The following CDC42BPA variants were observed in gnomAD, a reference collection of about 807,000 sequenced individuals.
CDC42BPA encodes serine/threonine-protein kinase MRCK alpha.
In CDC42BPA, 80 loss-of-function variants were observed where a neutral mutation model predicts 223.5. That is an observed-to-expected ratio of 0.36 (90% CI 0.30 to 0.43). CDC42BPA has a LOEUF of 0.43. Among genes scored for constraint, CDC42BPA ranks in the 20% least tolerant of loss-of-function variants. The pLI, the probability that CDC42BPA is intolerant of heterozygous loss-of-function variation, is 1.00. For missense variants in CDC42BPA, 1,743 were observed against 2,099.9 expected (o/e 0.83, Z 3.32); for synonymous variants, 694 against 718.6 (o/e 0.97, Z 0.55).
intron 16 of CDC42BPA, among the ~76,000 whole-genome samples, chr1:227,085,880 T>C (rs769477955): frequency 6.6e-6 from 1 of 152,234 alleles, no homozygotes; most frequent in Non-Finnish European, 1.5e-5. Context: ...TATAAGTGTA[T>C]ACTTGAATGA....
At chr1:227,017,312 G>T (rs1666476686) in intron 32 of CDC42BPA, among the ~76,000 whole-genome samples, 2 of 152,080 alleles carry the variant, frequency 1.3e-5, no homozygotes, top group African/African-American at 4.8e-5. Flanking sequence ...TTTACTAGAA[G>T]AAAACTGCAG....
intron 2 of CDC42BPA, among the ~76,000 whole-genome samples, chr1:227,235,909 C>A (rs2148042967): frequency 6.6e-6 from 1 of 152,248 alleles, no homozygotes; most frequent in African/African-American, 2.4e-5. Context: ...TATCTCTTGG[C>A]AAGTACTTTC....
intron 26 of CDC42BPA, 59 bp from the exon 27 acceptor site, chr1:227,033,474 G>C: frequency 5.3e-6 from 6 of 1,140,292 alleles, no homozygotes; most frequent in Non-Finnish European, 6.7e-6. Context: ...TGTGGTTTGG[G>C]GTGTGTATCC....
chr1:226,995,213 C>T (rs1661378433), intron 35 of CDC42BPA, among the ~76,000 whole-genome samples: 1 of 152,202 alleles, frequency 6.6e-6, no homozygotes, highest in African/African-American at 2.4e-5. Flanking sequence ...AGCGAGCACT[C>T]TCTAGGCTGT....
At chr1:227,100,407 T>C (rs1684802590) in intron 15 of CDC42BPA, among the ~76,000 whole-genome samples, 1 of 152,146 alleles carries the variant, frequency 6.6e-6, no homozygotes. Context: ...TGACTTTGCC[T>C]CTATTTTACT....
chr1:227,048,895 G>A (rs1483220993), intron 22 of CDC42BPA, among the ~76,000 whole-genome samples: 1 of 151,634 alleles, frequency 6.6e-6, no homozygotes, highest in Non-Finnish European at 1.5e-5. Flanking sequence ...TTTCTTTGCT[G>A]TTATTATACA....
In CDC42BPA at chr1:227,030,439, T is replaced by C; in HGVS notation, c.3807A>G (p.Glu1269=). Residue 1269 remains glutamate (E), a synonymous_variant, in exon 29 of 37, where the codon GAA becomes GAG. Transcript: ENST00000366766. ...DHERIALGNE[E]GLFVVHVTKD... ...TGGTGACATGTACAACAAATAACCC[T>C]TCTTCGTTTCCCAAAGCAATTCTTT... 6.2e-7 allele frequency: 1 copy of C among 1,602,554 alleles called. No individual in the cohort carries two copies. The highest frequency in any genetic ancestry group is 8.5e-7 in the Non-Finnish European group (1 of 1,174,952).
At chr1:227,117,681 C>T (rs1010731522) in intron 12 of CDC42BPA, among the ~76,000 whole-genome samples, 3 of 151,862 alleles carry the variant, frequency 2.0e-5, no homozygotes, top group African/African-American at 4.8e-5. Context: ...AGATACAGAC[C>T]TAAAAATTTA....
chr1:227,097,766 C>T (rs763930033), intron 15 of CDC42BPA, among the ~76,000 whole-genome samples: 62 of 152,292 alleles, frequency 4.1e-4, no homozygotes, highest in African/African-American at 1.4e-3. Flanking sequence ...CAAATGAGCA[C>T]GTGTACAACT....
At chr1:227,018,533 C>A (rs1406680983) in intron 32 of CDC42BPA, among the ~76,000 whole-genome samples, 3 of 152,124 alleles carry the variant, frequency 2.0e-5, no homozygotes, top group Admixed American at 1.3e-4. Flanking sequence ...TGGGAAAAGA[C>A]AAGTCAGAAT....
At chr1:227,277,959 C>G (rs112197495) in intron 1 of CDC42BPA, among the ~76,000 whole-genome samples, 14,908 of 152,204 alleles carry the variant, frequency 0.098, 1,175 homozygotes, top group East Asian at 0.36. Flanking sequence ...CCATATTAGC[C>G]AGGATGGTCT....
Position 227,112,742 on chromosome 1 carries a change from C to T in CDC42BPA, c.1819G>A (p.Val607Met). Residue 607 changes from valine to methionine, a missense_variant, in exon 13 of 37, where the codon GTG becomes ATG. Transcript: ENST00000366766. ...TCAACTTTTTGCATCACCAGGTCCA[C>T]CTCTTCTTCCTTATCTCGGACATGG... ...ARHVRDKEEE[V>M]DLVMQKVESL... 4 of 1,614,084 alleles carry T rather than the reference C, an allele frequency of 2.5e-6. No homozygotes were observed. Among genetic ancestry groups the T allele is most frequent in the Non-Finnish European group, 3.4e-6 (4 of 1,179,980 alleles).
intron 11 of CDC42BPA, among the ~76,000 whole-genome samples, chr1:227,121,802 CTTTTTTTTT>C (rs11327691): frequency 1.3e-4 from 18 of 134,114 alleles, no homozygotes; most frequent in East Asian, 4.3e-4. Flanking sequence ...TCTTTTTTTT[CTTTTTTTTT>C]TTTTTTGGAG....
At chr1:227,261,124 C>CTTTTTTTTTTTTTTTTTTT (rs386369874) in intron 1 of CDC42BPA, among the ~76,000 whole-genome samples, 43 of 121,010 alleles carry the variant, frequency 3.6e-4, no homozygotes, top group African/African-American at 5.4e-4. Context: ...TTGAGTTTTT[C>CTTTTTTTTTTTTTTTTTTT]TTTTTTTTTG....
At chr1:227,179,655 A>AAAAAAAAAAAAC in intron 5 of CDC42BPA, among the ~76,000 whole-genome samples, 1 of 149,732 alleles carries the variant, frequency 6.7e-6, no homozygotes, top group Non-Finnish European at 1.5e-5. Context: ...AAAAAAAAAA[A>AAAAAAAAAAAAC]AAAAAGCTAT....
intron 7 of CDC42BPA, 41 bp from the exon 8 acceptor site, chr1:227,145,778 T>A: frequency 5.9e-6 from 9 of 1,525,762 alleles, no homozygotes; most frequent in Non-Finnish European, 8.0e-6. Flanking sequence ...AATCAGTGTT[T>A]AACATACTAA....
intron 16 of CDC42BPA, among the ~76,000 whole-genome samples, chr1:227,085,617 A>G (rs1681696960): frequency 6.6e-6 from 1 of 151,866 alleles, no homozygotes; most frequent in Admixed American, 6.6e-5. Flanking sequence ...CAACAACAAC[A>G]AATTGTTTTA....
intron 5 of CDC42BPA, among the ~76,000 whole-genome samples, chr1:227,161,715 G>A (rs541244700): frequency 1.1e-4 from 16 of 152,164 alleles, no homozygotes; most frequent in Non-Finnish European, 2.4e-4. Context: ...ATTCATTTAG[G>A]TATTGCCTAT....
At chr1:227,234,638 C>A (rs1460071256) in intron 2 of CDC42BPA, 1 of 152,234 alleles carries the variant, frequency 6.6e-6, no homozygotes, top group Non-Finnish European at 1.5e-5. Context: ...CTATGACTCC[C>A]ACGTAGCCTG....
Sources: allele counts gnomAD v4.1 joint callset (sites outside exome capture counted in the v4.1 genomes callset), GRCh38; gene constraint gnomAD v4.1.1; transcripts MANE v1.5; gene names NCBI Gene and HGNC (gene_info 2026-07-23, HGNC 2026-07-21).